CHM: variants seen among roughly 807,000 people sequenced by gnomAD.
CHM encodes the protein CHM Rab escort protein.
A neutral mutation model predicts 49.0 loss-of-function variants in CHM; 10 were observed. The observed-to-expected ratio is 0.20, with a 90% CI of 0.13 to 0.35. The LOEUF (loss-of-function observed/expected upper bound fraction) is 0.35, where lower values mean the gene tolerates loss of function less well. Ranked by LOEUF, CHM falls within the 10% of genes least tolerant of loss-of-function variation. The pLI is 1.00. For missense variants in CHM, 455 were observed against 478.4 expected (o/e 0.95, Z 0.46); for synonymous variants, 184 against 167.5 (o/e 1.10, Z -0.76).
At chrX:85,897,023 TATTA>T (rs1268528822) in intron 11 of CHM, among the ~76,000 whole-genome samples, 3 of 95,950 alleles carry the variant, frequency 3.1e-5, no homozygotes, top group Non-Finnish European at 4.0e-5. Flanking sequence ...ATATATAATA[TATTA>T]ATTATATAAT....
At chrX:85,946,599 C>T (rs1416235080) in intron 8 of CHM, among the ~76,000 whole-genome samples, 7 of 111,984 alleles carry the variant, frequency 6.3e-5, no homozygotes, top group Non-Finnish European at 1.1e-4. Context: ...CAGCCTCCAC[C>T]GGGATTTCAG....
At chrX:86,027,015 T>C (rs992805861) in intron 2 of CHM, 5 of 116,023 alleles carry the variant, frequency 4.3e-5, no homozygotes, top group Admixed American at 8.9e-5. Context: ...AACATAATTG[T>C]AGATATTTTT....
intron 8 of CHM, among the ~76,000 whole-genome samples, chrX:85,931,066 G>A (rs1013146909): frequency 2.7e-5 from 3 of 110,726 alleles, no homozygotes; most frequent in East Asian, 2.8e-4. Flanking sequence ...GTAACAGGAT[G>A]GTCAAAGTAA....
intron 9 of CHM, among the ~76,000 whole-genome samples, chrX:85,901,959 G>T (rs1926316442): frequency 9.0e-6 from 1 of 111,624 alleles, no homozygotes; most frequent in South Asian, 3.7e-4. Context: ...AGTGCCACAA[G>T]TTATAAATGT....
At chrX:86,041,847 GATCCACTA>G (rs1353698168) in intron 1 of CHM, among the ~76,000 whole-genome samples, 1 of 105,727 alleles carries the variant, frequency 9.5e-6, no homozygotes, top group Non-Finnish European at 1.9e-5. Flanking sequence ...TTCACTCCAT[GATCCACTA>G]ATAGGTGGCA....
chrX:86,026,097 A>ATTTTTTTTTTTTTTTTT (rs1398285252), intron 2 of CHM, among the ~76,000 whole-genome samples: 1 of 30,483 alleles, frequency 3.3e-5, no homozygotes, highest in Non-Finnish European at 6.9e-5. Context: ...AAGGTAGCAG[A>ATTTTTTTTTTTTTTTTT]TTTTCTTTTT....
intron 14 of CHM, among the ~76,000 whole-genome samples, chrX:85,867,995 G>A (rs1437821429): frequency 1.8e-5 from 2 of 108,462 alleles, no homozygotes; most frequent in South Asian, 4.1e-4. Context: ...AAGTTAACAC[G>A]TCCATCACCA....
chrX:85,907,710 TCAC>T (rs1335117368), intron 9 of CHM, among the ~76,000 whole-genome samples: 1 of 112,184 alleles, frequency 8.9e-6, no homozygotes, highest in East Asian at 2.8e-4. Context: ...TGATGTATAA[TCAC>T]CACATTAAAC....
chrX:85,887,189 T>C (rs976560796), intron 12 of CHM, among the ~76,000 whole-genome samples: 1 of 110,417 alleles, frequency 9.1e-6, no homozygotes, highest in Non-Finnish European at 1.9e-5. Flanking sequence ...TCAAATCTCA[T>C]CTTGAATTCT....
At chrX:85,885,884 AGTT>A (rs1306849088) in intron 12 of CHM, among the ~76,000 whole-genome samples, 2 of 111,858 alleles carry the variant, frequency 1.8e-5, no homozygotes, top group Non-Finnish European at 3.8e-5. Flanking sequence ...TATTTTAAGT[AGTT>A]GTTTGAAGGG....
At chrX:85,895,782 T>C (rs1316107614) in intron 11 of CHM, among the ~76,000 whole-genome samples, 1 of 111,853 alleles carries the variant, frequency 8.9e-6, no homozygotes, top group Non-Finnish European at 1.9e-5. Flanking sequence ...ACTTTGGCAT[T>C]AAAGAGATAG....
intron 4 of CHM, chrX:85,970,938 T>G (rs1930861555): frequency 1.4e-6 from 1 of 730,527 alleles, no homozygotes; most frequent in Non-Finnish European, 1.6e-6. Context: ...TACATTTTAG[T>G]CTTTAGCCTG....
intron 2 of CHM, among the ~76,000 whole-genome samples, chrX:86,026,203 TC>T (rs1933819976): frequency 1.1e-5 from 1 of 88,419 alleles, no homozygotes; most frequent in Admixed American, 1.5e-4. Flanking sequence ...TACTGCAACC[TC>T]CACCACCGGA....
chrX:85,994,227 C>G (rs1429284286), intron 2 of CHM, among the ~76,000 whole-genome samples: 1 of 111,985 alleles, frequency 8.9e-6, no homozygotes, highest in Non-Finnish European at 1.9e-5. Context: ...TTTTCTTTAC[C>G]TGTAACATAG....
intron 2 of CHM, among the ~76,000 whole-genome samples, chrX:86,007,355 G>A (rs1318103435): frequency 9.0e-6 from 1 of 111,690 alleles, no homozygotes; most frequent in Non-Finnish European, 1.9e-5. Flanking sequence ...CATGGGCAAG[G>A]ACTTCATGTC....
chrX:85,982,914 G>A (rs182502510), intron 2 of CHM, among the ~76,000 whole-genome samples: 1 of 111,332 alleles, frequency 9.0e-6, no homozygotes, highest in Non-Finnish European at 1.9e-5. Flanking sequence ...GAAGAGAGAG[G>A]AGTCCTTGAG....
At chrX:85,923,451 AC>A (rs963571565) in intron 8 of CHM, among the ~76,000 whole-genome samples, 1 of 112,151 alleles carries the variant, frequency 8.9e-6, no homozygotes, top group Non-Finnish European at 1.9e-5. Context: ...GTAGTTTCTA[AC>A]AGAATTCAAG....
At chrX:85,934,233 G>A (rs1404628488) in intron 8 of CHM, among the ~76,000 whole-genome samples, 1 of 105,501 alleles carries the variant, frequency 9.5e-6, no homozygotes, top group East Asian at 3.0e-4. Flanking sequence ...GCCCACCTTG[G>A]CCTCCCAAAG....
intron 12 of CHM, among the ~76,000 whole-genome samples, chrX:85,880,140 A>C (rs1012775609): frequency 9.0e-6 from 1 of 111,069 alleles, no homozygotes; most frequent in African/African-American, 3.3e-5. Context: ...AGGTCCACTA[A>C]AGGAAGTATA....
Sources: gnomAD v4.1 joint callset for allele counts (sites outside exome capture counted in the v4.1 genomes callset) on GRCh38, gnomAD v4.1.1 for gene constraint, MANE v1.5 for transcripts, NCBI Gene and HGNC (gene_info 2026-07-23, HGNC 2026-07-21) for gene names.